Variants in CTNND2 observed in about 807,000 individuals in gnomAD.
CTNND2 encodes catenin delta-2.
CTNND2 carries 22 observed loss-of-function variants against 144.4 expected under a neutral mutation model. The ratio of observed to expected loss-of-function variants is 0.15; its 90% CI spans 0.11 to 0.22. CTNND2 has a LOEUF of 0.22. Ranked by LOEUF, CTNND2 falls within the 10% of genes least tolerant of loss-of-function variation. The pLI is 1.00. For synonymous variants in CTNND2, 751 were observed against 695.6 expected (o/e 1.08, Z -1.25); for missense variants, 1,353 against 1,618.8 (o/e 0.84, Z 2.82).
At chr5:11,507,397 G>C (rs1324518014) in intron 3 of CTNND2, among the ~76,000 whole-genome samples, 1 of 152,084 alleles carries the variant, frequency 6.6e-6, no homozygotes, top group Non-Finnish European at 1.5e-5. Context: ...GATAAGGCTG[G>C]GAATGCCTTC....
chr5:11,082,965 C>A, intron 15 of CTNND2, 119 bp from the exon 16 acceptor site: 1 of 1,148,044 alleles, frequency 8.7e-7, no homozygotes, highest in Non-Finnish European at 1.2e-6. Flanking sequence ...TTACCAAGAC[C>A]TAGTTGTAGA....
intron 9 of CTNND2, among the ~76,000 whole-genome samples, chr5:11,247,775 T>C (rs1435948882): frequency 6.6e-6 from 1 of 152,176 alleles, no homozygotes; most frequent in African/African-American, 2.4e-5. Context: ...TTAGGTCCTT[T>C]AGAAGACATA....
chr5:11,178,599 T>C (rs1760705461), intron 11 of CTNND2, among the ~76,000 whole-genome samples: 1 of 152,220 alleles, frequency 6.6e-6, no homozygotes, highest in South Asian at 2.1e-4. Flanking sequence ...AAGATGATGC[T>C]AACAAAATGA....
chr5:11,858,685 C>T (rs1795360429), intron 1 of CTNND2, among the ~76,000 whole-genome samples: 1 of 152,198 alleles, frequency 6.6e-6, no homozygotes, highest in Non-Finnish European at 1.5e-5. Flanking sequence ...AATCCCAGCA[C>T]TTTGGGAGCT....
intron 9 of CTNND2, among the ~76,000 whole-genome samples, chr5:11,279,484 G>A (rs1244686282): frequency 6.6e-6 from 1 of 151,974 alleles, no homozygotes; most frequent in Admixed American, 6.6e-5. Flanking sequence ...CTCCCAATTG[G>A]TCTTCCTGCT....
intron 9 of CTNND2, among the ~76,000 whole-genome samples, chr5:11,286,885 T>C (rs930672958): frequency 2.0e-5 from 3 of 152,200 alleles, no homozygotes; most frequent in Non-Finnish European, 2.9e-5. Context: ...GAACAGTCCT[T>C]GCTTGCTGTC....
At chr5:11,489,144 A>G (rs965985011) in intron 3 of CTNND2, among the ~76,000 whole-genome samples, 5 of 152,138 alleles carry the variant, frequency 3.3e-5, no homozygotes, top group African/African-American at 1.2e-4. Flanking sequence ...TCCACAGTCT[A>G]TAGTATTTTG....
At chr5:11,590,959 T>G (rs1218565073) in intron 2 of CTNND2, among the ~76,000 whole-genome samples, 4 of 152,246 alleles carry the variant, frequency 2.6e-5, no homozygotes, top group Admixed American at 2.0e-4. Flanking sequence ...TACAATTGCT[T>G]GTCTAGACCT....
At chr5:11,864,649 G>A (rs935333196) in intron 1 of CTNND2, among the ~76,000 whole-genome samples, 13 of 152,122 alleles carry the variant, frequency 8.5e-5, no homozygotes. Flanking sequence ...ACAGATAACT[G>A]TGTTGTAGGG....
intron 7 of CTNND2, among the ~76,000 whole-genome samples, chr5:11,380,015 A>T (rs1758320037): frequency 6.6e-6 from 1 of 152,236 alleles, no homozygotes; most frequent in Admixed American, 6.5e-5. Flanking sequence ...TGTTCTGGCT[A>T]CCGCTTCTTT....
At chr5:11,483,951 T>C (rs1768540104) in intron 3 of CTNND2, among the ~76,000 whole-genome samples, 1 of 152,130 alleles carries the variant, frequency 6.6e-6, no homozygotes, top group Non-Finnish European at 1.5e-5. Context: ...TGGGAGAAAC[T>C]GAGAATGACA....
chr5:11,315,570 G>A (rs920820525), intron 9 of CTNND2, among the ~76,000 whole-genome samples: 3 of 152,170 alleles, frequency 2.0e-5, no homozygotes, highest in East Asian at 1.9e-4. Context: ...AGATGTTTAT[G>A]TTAAACACAA....
At chr5:11,167,696 CTTT>C (rs34347219) in intron 11 of CTNND2, among the ~76,000 whole-genome samples, 1 of 137,842 alleles carries the variant, frequency 7.3e-6, no homozygotes, top group African/African-American at 2.7e-5. Context: ...GTCATATTCA[CTTT>C]TTTTTTTTTT....
intron 1 of CTNND2, among the ~76,000 whole-genome samples, chr5:11,733,122 G>A (rs570737039): frequency 6.6e-6 from 1 of 152,128 alleles, no homozygotes; most frequent in South Asian, 2.1e-4. Flanking sequence ...GTATACATAT[G>A]TGTTTCCCTG....
At chr5:11,049,892 G>A (rs1397323718) in intron 16 of CTNND2, among the ~76,000 whole-genome samples, 2 of 152,158 alleles carry the variant, frequency 1.3e-5, no homozygotes, top group Non-Finnish European at 2.9e-5. Flanking sequence ...TTAGTGGAGG[G>A]AAATACTCTT....
intron 10 of CTNND2, among the ~76,000 whole-genome samples, chr5:11,215,406 T>C (rs1739071993): frequency 6.6e-6 from 1 of 152,252 alleles, no homozygotes; most frequent in Non-Finnish European, 1.5e-5. Flanking sequence ...CTCTGCCCTA[T>C]GTACACCTGC....
At chr5:11,265,652 TC>T (rs1745357354) in intron 9 of CTNND2, among the ~76,000 whole-genome samples, 1 of 151,564 alleles carries the variant, frequency 6.6e-6, no homozygotes. Context: ...CATTAAGTTG[TC>T]CAAAATCAGT....
At chr5:11,668,697 A>G (rs1303231959) in intron 2 of CTNND2, among the ~76,000 whole-genome samples, 1 of 152,198 alleles carries the variant, frequency 6.6e-6, no homozygotes, top group African/African-American at 2.4e-5. Context: ...ATATACAATC[A>G]TGTCATCTGC....
At chr5:11,252,650 A>C (rs138038648) in intron 9 of CTNND2, among the ~76,000 whole-genome samples, 1 of 152,270 alleles carries the variant, frequency 6.6e-6, no homozygotes, top group East Asian at 1.9e-4. Flanking sequence ...CAGTATAGAG[A>C]GCTTCAGCCA....
Sources: gnomAD v4.1 joint callset for allele counts (sites outside exome capture counted in the v4.1 genomes callset) on GRCh38, gnomAD v4.1.1 for gene constraint, MANE v1.5 for transcripts, NCBI Gene and HGNC (gene_info 2026-07-23, HGNC 2026-07-21) for gene names.